Variants in NPSR1 observed in about 807,000 individuals in gnomAD.
NPSR1 encodes the protein neuropeptide S receptor 1.
A neutral mutation model predicts 46.9 loss-of-function variants in NPSR1; 48 were observed. The ratio of observed to expected loss-of-function variants is 1.02; its 90% CI spans 0.81 to 1.30. The LOEUF (loss-of-function observed/expected upper bound fraction) is 1.30. Ranked by LOEUF, NPSR1 falls within the 50% of genes most tolerant of loss-of-function variation. The pLI is 0.00. For missense variants in NPSR1, 450 were observed against 449.5 expected (o/e 1.00, Z -0.01); for synonymous variants, 176 against 168.1 (o/e 1.05, Z -0.36).
chr7:34,798,338 C>T (rs1192587996), intron 3 of NPSR1, among the ~76,000 whole-genome samples: 1 of 152,104 alleles, frequency 6.6e-6, no homozygotes, highest in Non-Finnish European at 1.5e-5. Context: ...AGCTTGTGGC[C>T]AGCCTGACCA....
In NPSR1 at chr7:34,860,080, A is replaced by ATT. The variant is rs34489288; in HGVS notation, c.1025+11423_1025+11424dup. 1.3e-4 allele frequency among the ~76,000 whole-genome samples: 20 copies of ATT among 151,516 alleles called. 1 individual carries two copies. Among genetic ancestry groups the ATT allele is most frequent in the African/African-American group, 3.7e-4 (15 of 40,900 alleles). On this transcript the variant is annotated intron_variant, in intron 8 of 8. Transcript: ENST00000359791. Reference sequence around the variant, plus strand: ...CTCTTTCCACTAGAGATTTAAATGCATTTTTTTCACATAAAGATGGACTTT... The same window carrying ATT: ...CTCTTTCCACTAGAGATTTAAATGCATTTTTTTTTCACATAAAGATGGACTTT...
At chr7:34,841,648 T>C (rs529720517) in intron 6 of NPSR1, among the ~76,000 whole-genome samples, 25 of 152,348 alleles carry the variant, frequency 1.6e-4, no homozygotes, top group African/African-American at 5.3e-4. Flanking sequence ...CTTTAGAAGC[T>C]AGAGGCTTTG....
intron 6 of NPSR1, among the ~76,000 whole-genome samples, chr7:34,834,941 A>G (rs920083130): frequency 6.6e-6 from 1 of 152,162 alleles, no homozygotes; most frequent in Non-Finnish European, 1.5e-5. Flanking sequence ...TGCTTTCCCA[A>G]CTGACACACC....
In NPSR1 at chr7:34,753,070, A is replaced by G. The variant is rs202049095; in HGVS notation, c.281-25392A>G. On this transcript the variant is annotated intron_variant, in intron 2 of 8. Transcript: ENST00000360581. ...GCACATAGCATTGTGTCTGAAACCAAATAGTCAGCAATCAATAGTAATTGA... is the reference window on the plus strand; with the variant it reads ...GCACATAGCATTGTGTCTGAAACCAGATAGTCAGCAATCAATAGTAATTGA... 2.6e-5 allele frequency among the ~76,000 whole-genome samples: 4 copies of G among 152,182 alleles called. No individual in the cohort carries two copies. The East Asian group carries it at 7.7e-4, about 29-fold the overall frequency.
chr7:34,724,627 G>A (rs1441432225), intron 2 of NPSR1, among the ~76,000 whole-genome samples: 1 of 152,176 alleles, frequency 6.6e-6, no homozygotes, highest in East Asian at 1.9e-4. Context: ...GTATCTGGTG[G>A]TCTGCACATA....
chr7:34,675,410 C>T (rs751847439), intron 1 of NPSR1, among the ~76,000 whole-genome samples: 4 of 152,202 alleles, frequency 2.6e-5, no homozygotes, highest in Non-Finnish European at 4.4e-5. Context: ...CTGGATAAAT[C>T]CAGACTAGCC....
At chr7:34,700,307 C>G (rs893392806) in intron 2 of NPSR1, among the ~76,000 whole-genome samples, 2 of 152,242 alleles carry the variant, frequency 1.3e-5, no homozygotes, top group Non-Finnish European at 2.9e-5. Context: ...CTCAGTGCAA[C>G]GATTGTACTG....
At chr7:34,785,010 A>G (rs1279584959) in intron 3 of NPSR1, among the ~76,000 whole-genome samples, 4 of 152,064 alleles carry the variant, frequency 2.6e-5, no homozygotes, top group Non-Finnish European at 4.4e-5. Context: ...ATACCATTTG[A>G]CCCAGCCATC....
downstream of NPSR1, among the ~76,000 whole-genome samples, chr7:34,853,735 C>T (rs1459139053): frequency 3.3e-5 from 5 of 151,974 alleles, no homozygotes; most frequent in East Asian, 3.9e-4. Context: ...CCGAGGAGGG[C>T]GGATCACCTG....
intron 4 of NPSR1, among the ~76,000 whole-genome samples, chr7:34,820,578 A>G (rs1584093781): frequency 6.6e-6 from 1 of 152,322 alleles, no homozygotes; most frequent in East Asian, 1.9e-4. Context: ...GTGACAATGG[A>G]CAAAGCCCTC....
chr7:34,680,653 T>C (rs1583794354), intron 1 of NPSR1, among the ~76,000 whole-genome samples: 1 of 152,186 alleles, frequency 6.6e-6, no homozygotes, highest in South Asian at 2.1e-4. Context: ...AATCGCAGCA[T>C]AGTCACACCA....
chr7:34,824,812 A>G (rs1789743665), intron 4 of NPSR1, among the ~76,000 whole-genome samples: 1 of 152,152 alleles, frequency 6.6e-6, no homozygotes. Context: ...ACAAGAGCAC[A>G]GGGGGCAGCT....
chr7:34,783,043 G>A (rs1787302794), intron 3 of NPSR1, among the ~76,000 whole-genome samples: 1 of 152,008 alleles, frequency 6.6e-6, no homozygotes, highest in Admixed American at 6.6e-5. Flanking sequence ...CAAAGAATTT[G>A]TGAAGTGAAA....
intron 2 of NPSR1, among the ~76,000 whole-genome samples, chr7:34,755,290 A>G (rs1389396006): frequency 1.3e-5 from 2 of 152,246 alleles, no homozygotes; most frequent in Non-Finnish European, 2.9e-5. Context: ...TTACAAATAC[A>G]TGAAACAGTG....
chr7:34,729,643 A>G (rs1480526535), intron 2 of NPSR1, among the ~76,000 whole-genome samples: 1 of 152,252 alleles, frequency 6.6e-6, no homozygotes, highest in Admixed American at 6.5e-5. Context: ...GAAGATGATT[A>G]TAAAACCAAC....
intron 2 of NPSR1, among the ~76,000 whole-genome samples, chr7:34,730,166 C>A (rs1784356347): frequency 6.6e-6 from 1 of 152,186 alleles, no homozygotes; most frequent in Non-Finnish European, 1.5e-5. Context: ...AATTGAAAAT[C>A]CATTCAATGT....
intron 2 of NPSR1, among the ~76,000 whole-genome samples, chr7:34,773,222 T>C (rs1280965603): frequency 6.6e-6 from 1 of 152,200 alleles, no homozygotes; most frequent in East Asian, 1.9e-4. Flanking sequence ...CTTTAAAGGA[T>C]GGGACCCTAA....
chr7:34,708,867 G>A (rs541279875), intron 2 of NPSR1, among the ~76,000 whole-genome samples: 22 of 152,300 alleles, frequency 1.4e-4, no homozygotes, highest in African/African-American at 4.6e-4. Context: ...AAGGTGAGTG[G>A]TGAGCAGTAA....
chr7:34,725,099 TCACACA>T (rs56880784), intron 2 of NPSR1, among the ~76,000 whole-genome samples: 15 of 146,534 alleles, frequency 1.0e-4, no homozygotes, highest in South Asian at 2.2e-4. Flanking sequence ...ACACACAGAC[TCACACA>T]CACACACACA....
Sources: gnomAD v4.1 joint callset for allele counts (sites outside exome capture counted in the v4.1 genomes callset) on GRCh38, gnomAD v4.1.1 for gene constraint, MANE v1.5 for transcripts, NCBI Gene and HGNC (gene_info 2026-07-23, HGNC 2026-07-21) for gene names.